FARS2: variants seen among roughly 807,000 people sequenced by gnomAD.
FARS2 encodes phenylalanyl-tRNA synthetase 2, mitochondrial, also known as phenylalanine--tRNA ligase, mitochondrial.
In FARS2, 40 loss-of-function variants were observed where a neutral mutation model predicts 46.4. That is an observed-to-expected ratio of 0.86 (90% CI 0.67 to 1.12). The LOEUF is 1.12. FARS2 is among the 50% of genes most tolerant of loss of function. The pLI, the probability that FARS2 is intolerant of heterozygous loss-of-function variation, is 0.00. For missense variants in FARS2, 513 were observed against 567.9 expected, an observed-to-expected ratio of 0.90 and a Z score of 0.98; for synonymous variants, 234 against 214.9, an observed-to-expected ratio of 1.09 and a Z score of -0.78.
At chr6:5,296,167 A>G (rs1306043046) in intron 1 of FARS2, among the ~76,000 whole-genome samples, 2 of 90,808 alleles carry the variant, frequency 2.2e-5, no homozygotes, top group Non-Finnish European at 3.8e-5. Context: ...TTTGAGACGA[A>G]GTCTAGCTCT....
chr6:5,564,165 A>AC (rs1429873582), intron 5 of FARS2, among the ~76,000 whole-genome samples: 2 of 152,134 alleles, frequency 1.3e-5, no homozygotes, highest in African/African-American at 4.8e-5. Flanking sequence ...ACCCTGTATA[A>AC]CCCTGTTGCA....
At chr6:5,385,418 T>A (rs996772626) in intron 2 of FARS2, among the ~76,000 whole-genome samples, 5 of 132,474 alleles carry the variant, frequency 3.8e-5, no homozygotes, top group Non-Finnish European at 6.2e-5. Flanking sequence ...TCTTTTCTTT[T>A]TTTCTTTTCT....
chr6:5,641,454 G>A (rs1415395770), intron 6 of FARS2, among the ~76,000 whole-genome samples: 2 of 152,010 alleles, frequency 1.3e-5, no homozygotes, highest in Non-Finnish European at 2.9e-5. Flanking sequence ...CCACCACCAC[G>A]CCCAGCTAAT....
chr6:5,405,951 A>G (rs987260932), intron 3 of FARS2, among the ~76,000 whole-genome samples: 3 of 152,356 alleles, frequency 2.0e-5, no homozygotes, highest in Non-Finnish European at 4.4e-5. Flanking sequence ...TAGTGTTGCA[A>G]TCTAGACCTC....
intron 5 of FARS2, among the ~76,000 whole-genome samples, chr6:5,565,049 C>T (rs1313489980): frequency 6.6e-6 from 1 of 152,186 alleles, no homozygotes; most frequent in African/African-American, 2.4e-5. Flanking sequence ...AAAATGGATT[C>T]TTACTGCACT....
At chr6:5,366,498 A>G (rs1325854681) in intron 1 of FARS2, among the ~76,000 whole-genome samples, 1 of 152,170 alleles carries the variant, frequency 6.6e-6, no homozygotes, top group Non-Finnish European at 1.5e-5. Flanking sequence ...TGTGGGGTGA[A>G]TGACAGTGGA....
chr6:5,770,367 A>G (rs939431169), intron 6 of FARS2, among the ~76,000 whole-genome samples: 1 of 152,040 alleles, frequency 6.6e-6, no homozygotes, highest in Admixed American at 6.5e-5. Context: ...TCCTCCCCCA[A>G]GGCCAAGAAG....
chr6:5,610,801 C>T (rs541326829), intron 5 of FARS2, among the ~76,000 whole-genome samples: 6 of 152,350 alleles, frequency 3.9e-5, no homozygotes, highest in African/African-American at 1.4e-4. Flanking sequence ...CAAGTGCCCA[C>T]CAGGTGGCTT....
intron 5 of FARS2, among the ~76,000 whole-genome samples, chr6:5,592,054 G>C (rs551356685): frequency 2.0e-5 from 3 of 152,152 alleles, no homozygotes; most frequent in African/African-American, 7.2e-5. Flanking sequence ...TTTTGTAGAT[G>C]CTCATATTTT....
intron 6 of FARS2, among the ~76,000 whole-genome samples, chr6:5,715,378 T>C (rs1353454588): frequency 6.6e-6 from 1 of 152,200 alleles, no homozygotes; most frequent in Non-Finnish European, 1.5e-5. Flanking sequence ...GAGTTGTGCG[T>C]TCGTCGCCAC....
rs1021666201 is a variant in FARS2, at chr6:5,630,883, G to C, written c.1217+17563G>C. Among the ~76,000 whole-genome samples the C allele has an allele frequency of 6.6e-6, 1 of 152,214 alleles. No homozygotes were observed. The highest frequency in any genetic ancestry group is 2.1e-4 in the South Asian group (1 of 4,832). ...CTGAAAATATGAATGGAGTCTGAGC[G>C]ATGCTTTGATCAGCATTTCTTAATA... On this transcript the variant is annotated intron_variant, in intron 6 of 6. Transcript: ENST00000274680. This position sits in a 1 kb window ranked among gnomAD's most constrained non-coding sequence, Gnocchi z 4.2.
intron 2 of FARS2, among the ~76,000 whole-genome samples, chr6:5,370,068 T>A (rs1758954491): frequency 1.3e-5 from 2 of 152,214 alleles, no homozygotes; most frequent in Non-Finnish European, 2.9e-5. Context: ...CCAGACATGT[T>A]CACTGGAACA....
intron 5 of FARS2, among the ~76,000 whole-genome samples, chr6:5,546,494 C>G (rs1169124441): frequency 6.6e-6 from 1 of 151,576 alleles, no homozygotes; most frequent in East Asian, 1.9e-4. Context: ...TTGTGATTCG[C>G]CCGCCTTGGC....
chr6:5,697,595 A>G (rs1296635543), intron 6 of FARS2, among the ~76,000 whole-genome samples: 3 of 152,246 alleles, frequency 2.0e-5, no homozygotes, highest in Non-Finnish European at 4.4e-5. Flanking sequence ...TTTCTAGGAC[A>G]TTCCTCATTA....
chr6:5,568,474 A>G (rs1303049098), intron 5 of FARS2, among the ~76,000 whole-genome samples: 1 of 152,096 alleles, frequency 6.6e-6, no homozygotes, highest in African/African-American at 2.4e-5. Flanking sequence ...CTCCCGCACT[A>G]GTGAGGGAGG....
At chr6:5,418,674 G>C (rs944048767) in intron 3 of FARS2, among the ~76,000 whole-genome samples, 2 of 152,118 alleles carry the variant, frequency 1.3e-5, no homozygotes, top group East Asian at 3.9e-4. Flanking sequence ...AGTTCTTCGC[G>C]CAGCTCTCTT....
At chr6:5,744,616 C>G (rs184103902) in intron 6 of FARS2, among the ~76,000 whole-genome samples, 3 of 152,150 alleles carry the variant, frequency 2.0e-5, no homozygotes, top group African/African-American at 7.2e-5. Context: ...AGCAGCTTAT[C>G]GGGAAGGCGC....
chr6:5,763,709 GTA>G (rs1561843452), intron 6 of FARS2, among the ~76,000 whole-genome samples: 2 of 150,366 alleles, frequency 1.3e-5, no homozygotes, highest in Non-Finnish European at 2.9e-5. Flanking sequence ...TAGGAAAACC[GTA>G]TAGAGTCATG....
chr6:5,500,155 T>C lies in FARS2; in HGVS notation c.905-45025T>C, dbSNP rs540366016. Among the ~76,000 whole-genome samples, 7 of 152,294 alleles carry C rather than the reference T, an allele frequency of 4.6e-5. No homozygotes were observed. In the East Asian group the frequency reaches 1.4e-3, roughly 29 times the overall value. On this transcript the variant is annotated intron_variant, in intron 4 of 6. Coordinates refer to ENST00000274680, the MANE Select transcript of FARS2 (RefSeq NM_006567.5). ...AAGTCTATTGGGTATCTGATCCTGTTCTCTATTATTTCATTGTGCTGCCTC... is the reference window on the plus strand; with the variant it reads ...AAGTCTATTGGGTATCTGATCCTGTCCTCTATTATTTCATTGTGCTGCCTC...
Sources: allele counts gnomAD v4.1 joint callset (sites outside exome capture counted in the v4.1 genomes callset), GRCh38; gene constraint gnomAD v4.1.1; non-coding constraint Gnocchi (gnomAD v3.1); transcripts MANE v1.5; gene names NCBI Gene and HGNC (gene_info 2026-07-23, HGNC 2026-07-21).